Variants in PCNX1 observed in about 807,000 individuals in gnomAD.
PCNX1 encodes the protein pecanex 1, also known as pecanex-like protein 1.
In PCNX1, 78 loss-of-function variants were observed where a neutral mutation model predicts 242.2. The observed-to-expected ratio is 0.32, with a 90% confidence interval of 0.27 to 0.39. The LOEUF is 0.39. Among genes scored for constraint, PCNX1 ranks in the 10% least tolerant of loss-of-function variants. PCNX1 has a pLI of 1.00. For missense variants in PCNX1, 2,581 were observed against 2,856.5 expected, an observed-to-expected ratio of 0.90 and a Z score of 2.20; for synonymous variants, 1,024 against 1,032.9, an observed-to-expected ratio of 0.99 and a Z score of 0.17.
chr14:70,961,028 A>G (rs1351306751), intron 2 of PCNX1, among the ~76,000 whole-genome samples: 1 of 152,234 alleles, frequency 6.6e-6, no homozygotes, highest in African/African-American at 2.4e-5. Flanking sequence ...ATACAAACAA[A>G]TGGAAGAACA....
chr14:70,943,606 C>T (rs1428612242), intron 1 of PCNX1, among the ~76,000 whole-genome samples: 1 of 152,196 alleles, frequency 6.6e-6, no homozygotes, highest in African/African-American at 2.4e-5. Flanking sequence ...ATAGAAAGCA[C>T]AACCCCATTT....
At position 71,108,926 on chromosome 14, in the gene PCNX1, C is replaced by G; in HGVS notation, c.6624C>G (p.Leu2208=). The change falls in exon 34 of 36, where the codon CTC becomes CTG. Residue 2208 remains leucine (L), a synonymous_variant. Coordinates refer to ENST00000304743, the MANE Select transcript of PCNX1 (RefSeq NM_014982.3). The stretch of plus-strand genomic sequence containing the variant: ...TCCCAGCCTGCAAACATCACACTCT[C>G]GTGGGCTTTCTTGCGACAGAGGGAG... The part of the protein sequence containing the change: ...QSIPACKHHT[L]VGFLATEGGQ... The G allele has an allele frequency of 2.5e-6, 4 of 1,614,232 alleles. No individual in the cohort carries two copies. In the African/African-American group the frequency reaches 4.0e-5, roughly 16 times the overall value.
At chr14:70,967,550 C>T (rs1257873813) in intron 3 of PCNX1, among the ~76,000 whole-genome samples, 1 of 152,140 alleles carries the variant, frequency 6.6e-6, no homozygotes, top group Non-Finnish European at 1.5e-5. Context: ...GTTAAACTAT[C>T]TTGAATATAA....
At chr14:71,080,292 G>A (rs1251497359) in intron 28 of PCNX1, among the ~76,000 whole-genome samples, 1 of 152,192 alleles carries the variant, frequency 6.6e-6, no homozygotes, top group Non-Finnish European at 1.5e-5. Flanking sequence ...AGTAGAGTTT[G>A]AAGTTAGGTA....
At chr14:71,101,814 A>G (rs1321945518) in intron 30 of PCNX1, among the ~76,000 whole-genome samples, 176 bp from the exon 31 acceptor site, 3 of 152,184 alleles carry the variant, frequency 2.0e-5, no homozygotes, top group African/African-American at 7.2e-5. Context: ...TATAGCAGTA[A>G]TGAGCTACTT....
chr14:70,973,124 T>C (rs1034774224), intron 5 of PCNX1, among the ~76,000 whole-genome samples: 1 of 151,730 alleles, frequency 6.6e-6, no homozygotes, highest in Non-Finnish European at 1.5e-5. Flanking sequence ...TGTGGTGCAG[T>C]GTACCTGTAG....
chr14:70,996,941 A>G (rs1395063512), intron 8 of PCNX1, among the ~76,000 whole-genome samples: 1 of 152,170 alleles, frequency 6.6e-6, no homozygotes, highest in East Asian at 1.9e-4. Flanking sequence ...ACGTATGCAT[A>G]TCGATGAAAA....
chr14:71,017,536 CA>C (rs1046740233), intron 11 of PCNX1, among the ~76,000 whole-genome samples: 5 of 151,838 alleles, frequency 3.3e-5, no homozygotes, highest in African/African-American at 1.2e-4. Flanking sequence ...AAACGTAAAA[CA>C]AAACTTCTAG....
At chr14:70,937,062 A>T (rs1054940082) in intron 1 of PCNX1, among the ~76,000 whole-genome samples, 2 of 151,922 alleles carry the variant, frequency 1.3e-5, no homozygotes, top group African/African-American at 4.8e-5. Context: ...GATTGTAAAA[A>T]TTTTCTCCCG....
chr14:71,066,020 G>A (rs2061437466), intron 26 of PCNX1, among the ~76,000 whole-genome samples: 1 of 152,178 alleles, frequency 6.6e-6, no homozygotes, highest in Non-Finnish European at 1.5e-5. Flanking sequence ...CTGTAGCCTT[G>A]TAGTATAGTT....
At chr14:71,003,407 T>C (rs1372885470) in intron 8 of PCNX1, among the ~76,000 whole-genome samples, 1 of 152,152 alleles carries the variant, frequency 6.6e-6, no homozygotes, top group Non-Finnish European at 1.5e-5. Flanking sequence ...GTTGGTCTTC[T>C]AACTGTTGAG....
At chr14:71,067,428 G>T (rs889140107) in intron 26 of PCNX1, among the ~76,000 whole-genome samples, 16 of 152,092 alleles carry the variant, frequency 1.1e-4, no homozygotes, top group African/African-American at 3.9e-4. Context: ...TTCTCTGATG[G>T]TACTTTGTAT....
rs959610463 is a variant in PCNX1, at chr14:70,999,760, A to G, written c.2629+3835A>G. Among the ~76,000 whole-genome samples the G allele has an allele frequency of 8.5e-5, 13 of 152,304 alleles. No individual in the cohort carries two copies. In the South Asian group the frequency reaches 2.7e-3, roughly 32 times the overall value. ...CTATTAAGCAGTTCATAGCAGAAAT[A>G]TAATTTGGAAGCTTTTAGATTTTCT... On this transcript the variant is annotated intron_variant, in intron 8 of 35. Transcript: ENST00000304743.
intron 5 of PCNX1, 98 bp from the exon 6 acceptor site, chr14:70,976,844 C>A: frequency 9.8e-7 from 1 of 1,020,206 alleles, no homozygotes; most frequent in Non-Finnish European, 1.5e-6. Flanking sequence ...ATTATTTATA[C>A]TTGATTTACT....
chr14:71,060,887 C>A (rs2061310331), intron 26 of PCNX1: 1 of 152,188 alleles, frequency 6.6e-6, no homozygotes, highest in Admixed American at 6.5e-5. Flanking sequence ...TTGAACACAA[C>A]TACAGTGTTG....
chr14:71,071,907 T>G (rs967731447), intron 26 of PCNX1, among the ~76,000 whole-genome samples: 1 of 152,164 alleles, frequency 6.6e-6, no homozygotes, highest in Admixed American at 6.6e-5. Flanking sequence ...TCTTAGGGAA[T>G]GGGAAGGCCT....
At chr14:70,937,749 A>G (rs1355916771) in intron 1 of PCNX1, among the ~76,000 whole-genome samples, 1 of 152,100 alleles carries the variant, frequency 6.6e-6, no homozygotes, top group Admixed American at 6.5e-5. Flanking sequence ...CACAATATTG[A>G]TTCTTCCTAT....
At chr14:71,077,292 C>T (rs916566070) in intron 28 of PCNX1, among the ~76,000 whole-genome samples, 9 of 152,160 alleles carry the variant, frequency 5.9e-5, no homozygotes, top group African/African-American at 1.4e-4. Context: ...CCTGTGATTA[C>T]AAAGCTAATT....
intron 32 of PCNX1, among the ~76,000 whole-genome samples, chr14:71,104,269 G>C (rs530258097): frequency 2.0e-5 from 3 of 152,218 alleles, no homozygotes; most frequent in Non-Finnish European, 1.5e-5. Flanking sequence ...AGAACATAAG[G>C]GTTGTTCAGA....
Sources: gnomAD v4.1 joint callset for allele counts (sites outside exome capture counted in the v4.1 genomes callset) on GRCh38, gnomAD v4.1.1 for gene constraint, MANE v1.5 for transcripts, NCBI Gene and HGNC (gene_info 2026-07-23, HGNC 2026-07-21) for gene names.